CTIF: variants seen among roughly 807,000 people sequenced by gnomAD.
CTIF encodes CBP80/20-dependent translation initiation factor.
In CTIF, 21 loss-of-function variants were observed where a neutral mutation model predicts 66.0. That is an observed-to-expected ratio of 0.32 (90% CI 0.23 to 0.46). The LOEUF (loss-of-function observed/expected upper bound fraction) is 0.46, where lower values mean the gene tolerates loss of function less well. Ranked by LOEUF, CTIF falls within the 20% of genes least tolerant of loss-of-function variation. The probability of loss-of-function intolerance (pLI) is 1.00; values close to 1 mark genes in which losing one functional copy is unlikely to be tolerated. For synonymous variants in CTIF, 345 were observed against 326.4 expected (o/e 1.06, Z -0.62); for missense variants, 739 against 812.7 (o/e 0.91, Z 1.10).
At chr18:48,725,543 G>A (rs563554028) in intron 7 of CTIF, among the ~76,000 whole-genome samples, 1 of 152,220 alleles carries the variant, frequency 6.6e-6, no homozygotes, top group South Asian at 2.1e-4. Flanking sequence ...CCCTTAGGGT[G>A]AGAATGAGGA....
intron 1 of CTIF, among the ~76,000 whole-genome samples, chr18:48,578,004 G>A (rs1328319477): frequency 1.3e-5 from 2 of 152,130 alleles, no homozygotes; most frequent in Non-Finnish European, 2.9e-5. Flanking sequence ...TCAGCCCTAG[G>A]CAACCACTTA....
chr18:48,615,356 C>T (rs1310901277), intron 1 of CTIF, among the ~76,000 whole-genome samples: 1 of 152,228 alleles, frequency 6.6e-6, no homozygotes, highest in South Asian at 2.1e-4. Context: ...TGAGATGAAG[C>T]TTGGGGCTTT....
chr18:48,696,279 C>T (rs8094813), intron 6 of CTIF, among the ~76,000 whole-genome samples: 2,610 of 152,304 alleles, frequency 0.017, 75 homozygotes, highest in African/African-American at 0.059. Flanking sequence ...AGCCCTTTCA[C>T]ATCAGTAGAC....
At chr18:48,587,569 G>A (rs1220991242) in intron 1 of CTIF, among the ~76,000 whole-genome samples, 4 of 152,156 alleles carry the variant, frequency 2.6e-5, no homozygotes, top group Admixed American at 2.6e-4. Context: ...AGAGGCCTGG[G>A]TTCTAGTCCT....
intron 10 of CTIF, among the ~76,000 whole-genome samples, chr18:48,836,051 T>C (rs116162942): frequency 0.014 from 2,146 of 151,950 alleles, 44 homozygotes; most frequent in African/African-American, 0.049. Flanking sequence ...CCCATGAACA[T>C]TTGCTGCAGG....
chr18:48,843,313 C>T (rs2068991327), intron 10 of CTIF, among the ~76,000 whole-genome samples: 1 of 152,144 alleles, frequency 6.6e-6, no homozygotes, highest in South Asian at 2.1e-4. Flanking sequence ...ATCTGCCCTC[C>T]CCAGGGCCCT....
chr18:48,730,520 G>T (rs1443457977), intron 7 of CTIF, among the ~76,000 whole-genome samples: 1 of 84,194 alleles, frequency 1.2e-5, no homozygotes. Context: ...CTTCTGCGGT[G>T]TGAGGGGCCC....
intron 9 of CTIF, among the ~76,000 whole-genome samples, chr18:48,795,340 T>A (rs997132127): frequency 2.6e-5 from 4 of 152,172 alleles, no homozygotes; most frequent in Non-Finnish European, 5.9e-5. Context: ...CCAACCTGAT[T>A]TCTCCAAGGT....
intron 1 of CTIF, among the ~76,000 whole-genome samples, chr18:48,592,608 T>A (rs1421996695): frequency 6.6e-6 from 1 of 152,024 alleles, no homozygotes; most frequent in African/African-American, 2.4e-5. Flanking sequence ...AAGCTGTGCG[T>A]GGGCAACCAC....
chr18:48,634,595 A>G (rs1259709248), intron 2 of CTIF, among the ~76,000 whole-genome samples: 2 of 152,218 alleles, frequency 1.3e-5, no homozygotes, highest in African/African-American at 4.8e-5. Context: ...AAGGAGACCC[A>G]GGCACTGCTG....
At chr18:48,708,069 T>C (rs1801236630) in intron 6 of CTIF, among the ~76,000 whole-genome samples, 1 of 152,266 alleles carries the variant, frequency 6.6e-6, no homozygotes. Flanking sequence ...TTTATGGCCA[T>C]ATAATACTCC....
chr18:48,747,371 G>A (rs1907327331), intron 7 of CTIF, among the ~76,000 whole-genome samples: 1 of 152,250 alleles, frequency 6.6e-6, no homozygotes, highest in Admixed American at 6.5e-5. Flanking sequence ...AACCCCAGTA[G>A]GCAGGCTTGC....
chr18:48,831,587 GACCTTGAAGATGACGGAA>G (rs2068692940), intron 10 of CTIF, among the ~76,000 whole-genome samples: 1 of 152,232 alleles, frequency 6.6e-6, no homozygotes, highest in African/African-American at 2.4e-5. Context: ...CACAGTCACA[GACCTTGAAGATGACGGAA>G]ACCTTGACAA....
chr18:48,801,668 A>G (rs1334572593), intron 9 of CTIF, among the ~76,000 whole-genome samples: 3 of 152,092 alleles, frequency 2.0e-5, no homozygotes, highest in Non-Finnish European at 4.4e-5. Flanking sequence ...GTATTCATCT[A>G]TTTTTAAAGC....
At chr18:48,578,150 C>T (rs2089576519) in intron 1 of CTIF, among the ~76,000 whole-genome samples, 1 of 151,854 alleles carries the variant, frequency 6.6e-6, no homozygotes, top group Admixed American at 6.6e-5. Flanking sequence ...CATATCTCAG[C>T]TCTTCATTTT....
chr18:48,643,028 T>C (rs747618385), intron 3 of CTIF, among the ~76,000 whole-genome samples: 7 of 152,188 alleles, frequency 4.6e-5, no homozygotes, highest in Admixed American at 3.3e-4. Context: ...CCAGAATTAT[T>C]TGGTGACTGG....
At chr18:48,748,160 C>T (rs757535305) in intron 7 of CTIF, among the ~76,000 whole-genome samples, 101 of 152,154 alleles carry the variant, frequency 6.6e-4, no homozygotes, top group Non-Finnish European at 1.2e-3. Flanking sequence ...GCAGATGGGT[C>T]AGTCTCTTGG....
chr18:48,722,653 C>T (rs1176887882), intron 7 of CTIF, among the ~76,000 whole-genome samples: 1 of 151,660 alleles, frequency 6.6e-6, no homozygotes, highest in Admixed American at 6.6e-5. Flanking sequence ...TGTAAGCACC[C>T]GGCCGTACCC....
chr18:48,664,495 C>A lies in CTIF; in HGVS notation c.375C>A (p.Phe125Leu). 1 of 1,613,632 alleles carries A rather than the reference C, an allele frequency of 6.2e-7. No homozygotes were observed. The highest frequency in any genetic ancestry group is 8.5e-7 in the Non-Finnish European group (1 of 1,179,992). Residue 125 changes from phenylalanine (F) to leucine (L), a missense_variant, in exon 5 of 12, where the codon TTC (phenylalanine) becomes TTA (leucine). Coordinates refer to ENST00000256413, the MANE Select transcript of CTIF (RefSeq NM_014772.3). ...CGGAAAAGCTGGACTTCACCCAGTT[C>A]CACCGCAAAGTCCGACACACGCCCA... is the stretch of plus-strand genomic sequence containing the variant. ...LQPEKLDFTQ[F>L]HRKVRHTPKQ... is the part of the protein sequence containing the mutation.
Sources: allele counts gnomAD v4.1 joint callset (sites outside exome capture counted in the v4.1 genomes callset), GRCh38; gene constraint gnomAD v4.1.1; transcripts MANE v1.5; gene names NCBI Gene and HGNC (gene_info 2026-07-23, HGNC 2026-07-21).